The following RAB11FIP1 variants were observed in gnomAD, a reference collection of about 807,000 sequenced individuals.
The protein encoded by RAB11FIP1 is rab11 family-interacting protein 1.
A neutral mutation model predicts 83.1 loss-of-function variants in RAB11FIP1; 49 were observed. That is an observed-to-expected ratio of 0.59 (90% CI 0.47 to 0.75). RAB11FIP1 has a LOEUF of 0.75. Among genes scored for constraint, RAB11FIP1 ranks in the 30% least tolerant of loss-of-function variants. The pLI is 0.00. For synonymous variants in RAB11FIP1, 670 were observed against 656.0 expected (o/e 1.02, Z -0.33); for missense variants, 1,536 against 1,598.7 (o/e 0.96, Z 0.67).
intron 1 of RAB11FIP1, among the ~76,000 whole-genome samples, chr8:37,882,662 G>C (rs908715482): frequency 2.0e-5 from 3 of 152,152 alleles, no homozygotes; most frequent in African/African-American, 7.2e-5. Flanking sequence ...TTGCACTGCA[G>C]ACTTGCCCTG....
At chr8:37,882,868 T>C (rs1008042466) in intron 1 of RAB11FIP1, among the ~76,000 whole-genome samples, 1 of 152,198 alleles carries the variant, frequency 6.6e-6, no homozygotes, top group Admixed American at 6.5e-5. Context: ...GGACCAATTA[T>C]TACCTGATTC....
At position 37,872,776 on chromosome 8, in the gene RAB11FIP1, G is replaced by A. The variant is rs373214603; in HGVS notation, c.2026C>T (p.Arg676Cys). ...GTEDSLMGRT[R>C]ETGTEKNTSS... ...GTGTTCTTCTCTGTGCCTGTCTCAC[G>A]GGTCCTGCCCATCAGAGAATCTTCT... is the stretch of plus-strand genomic sequence containing the variant. Residue 676 changes from arginine to cysteine, a missense_variant, in exon 4 of 6, where the codon CGT (arginine) becomes TGT (cysteine). Transcript: ENST00000330843. The A allele has an allele frequency of 6.4e-5, 103 of 1,614,094 alleles. No individual in the cohort carries two copies. In the Admixed American group the frequency reaches 1.3e-3, roughly 21 times the overall value.
At chr8:37,885,734 C>G (rs1806820851) in intron 1 of RAB11FIP1, among the ~76,000 whole-genome samples, 1 of 152,194 alleles carries the variant, frequency 6.6e-6, no homozygotes, top group African/African-American at 2.4e-5. Flanking sequence ...CCTGAGTAGC[C>G]CACTGGGAAG....
chr8:37,880,854 C>A (rs1806721187), intron 1 of RAB11FIP1, among the ~76,000 whole-genome samples: 1 of 152,144 alleles, frequency 6.6e-6, no homozygotes, highest in South Asian at 2.1e-4. Context: ...CTATAGTGAG[C>A]TGTCCACCAG....
intron 1 of RAB11FIP1, among the ~76,000 whole-genome samples, chr8:37,892,814 T>TCTTA (rs1424976469): frequency 6.6e-6 from 1 of 152,108 alleles, no homozygotes; most frequent in Admixed American, 6.6e-5. Flanking sequence ...TTCAGCCTCA[T>TCTTA]CTTACACAAG....
chr8:37,895,507 T>A lies in RAB11FIP1; in HGVS notation c.371+3564A>T, dbSNP rs1807067613. Among the ~76,000 whole-genome samples, 3 of 151,040 alleles carry A rather than the reference T, an allele frequency of 2.0e-5. No individual in the cohort carries two copies. The Admixed American group carries it at 2.0e-4, about 10-fold the overall frequency. ...ATATTGGTCACCCGATTCTACCTGTTAGATTCATGTCTGTTTTGCAGTCAC... is the reference window on the plus strand; with the variant it reads ...ATATTGGTCACCCGATTCTACCTGTAAGATTCATGTCTGTTTTGCAGTCAC... On this transcript the variant is annotated intron_variant, in intron 1 of 5. Transcript: ENST00000330843.
chr8:37,871,660 C>T lies in RAB11FIP1; in HGVS notation c.3142G>A (p.Glu1048Lys). The T allele has an allele frequency of 6.2e-7, 1 of 1,613,218 alleles. No homozygotes were observed. ...SVTAPSEQTT[E>K]FGIHKPHLGK... Reference sequence around the variant, plus strand: ...AGATGTGGTTTGTGAATTCCGAACTCTGTGGTCTGCTCTGAAGGAGCTGTC... The same window carrying T: ...AGATGTGGTTTGTGAATTCCGAACTTTGTGGTCTGCTCTGAAGGAGCTGTC... Residue 1048 changes from glutamate to lysine, a missense_variant, in exon 4 of 6, where the codon GAG becomes AAG. Physicochemically the swap from Glu to Lys is moderately conservative, Grantham distance 56 (BLOSUM62 1). Transcript: ENST00000330843.
rs1806268166 is a variant in RAB11FIP1 at position 37,862,921 on chromosome 8, C to A, written c.3826G>T (p.Val1276Phe). The change falls in exon 6 of 6, where the codon GTT becomes TTT. Residue 1276 changes from valine (V) to phenylalanine (F), a missense_variant. By Grantham distance (50) the Val-to-Phe change is conservative. Coordinates refer to ENST00000330843, the MANE Select transcript of RAB11FIP1 (RefSeq NM_001002814.3). Reference protein sequence around the residue: ...TPNILRIPTQVGKKAGKM With the variant: ...TPNILRIPTQFGKKAGKM Reference sequence around the variant, plus strand: ...TACATCTTTCCTGCTTTTTTGCCAACCTGAGTCGGGATGCGGAGGATATTG... The same window carrying A: ...TACATCTTTCCTGCTTTTTTGCCAAACTGAGTCGGGATGCGGAGGATATTG... 2 of 1,609,032 alleles carry A rather than the reference C, an allele frequency of 1.2e-6. No homozygotes were observed. Among genetic ancestry groups the A allele is most frequent in the Non-Finnish European group, 1.7e-6 (2 of 1,177,444 alleles).
chr8:37,888,108 C>T (rs1806868464), intron 1 of RAB11FIP1, among the ~76,000 whole-genome samples: 1 of 152,164 alleles, frequency 6.6e-6, no homozygotes, highest in African/African-American at 2.4e-5. Flanking sequence ...AATTATGTAT[C>T]TGTTTATCTA....
At chr8:37,879,309 C>A (rs551712289) in intron 1 of RAB11FIP1, among the ~76,000 whole-genome samples, 1 of 151,548 alleles carries the variant, frequency 6.6e-6, no homozygotes, top group Non-Finnish European at 1.5e-5. Context: ...GAGCCAGACT[C>A]CATCTCAAAA....
At position 37,872,882 on chromosome 8, in the gene RAB11FIP1, ACT is replaced by A; in HGVS notation, c.1918_1919del (p.Ser640PhefsTer25). 6.2e-7 allele frequency: 1 copy of A among 1,614,026 alleles called. No homozygotes were observed. Among genetic ancestry groups the A allele is most frequent in the South Asian group, 1.1e-5 (1 of 91,064 alleles). ...LLPKAELQTE[S>X]LTPVPNSGSS... The stretch of plus-strand genomic sequence containing the variant: ...AACCAGAATTTGGAACCGGTGTTAA[ACT>A]CTCAGTTTGCAACTCTGCCTTAGGG... On this transcript the variant is annotated frameshift_variant, in exon 4 of 6. Coordinates refer to ENST00000330843, the MANE Select transcript of RAB11FIP1 (RefSeq NM_001002814.3). LOFTEE classifies it high-confidence loss of function.
At position 37,862,704 on chromosome 8, in the gene RAB11FIP1, A is replaced by C; in HGVS notation, c.*191T>G. ...GGCATTTAAAACTAAAGCCTTGGGA[A>C]TGTACAGTAAAAGATTAATTGTAAT... On this transcript the variant is annotated 3_prime_UTR_variant, in exon 6 of 6. Transcript: ENST00000330843. The C allele has an allele frequency of 1.8e-6, 1 of 558,202 alleles. No homozygotes were observed. Among genetic ancestry groups the C allele is most frequent in the Non-Finnish European group, 3.2e-6 (1 of 311,396 alleles). 34.6% of individuals were successfully genotyped at this position (558,202 alleles called of 1,614,324 possible).
intron 1 of RAB11FIP1, among the ~76,000 whole-genome samples, chr8:37,886,605 A>G (rs1241367298): frequency 1.3e-5 from 2 of 152,160 alleles, no homozygotes; most frequent in East Asian, 1.9e-4. Context: ...CAAAATCCCA[A>G]TCCTGACTTA....
chr8:37,871,744 T>C lies in RAB11FIP1; in HGVS notation c.3058A>G (p.Arg1020Gly), dbSNP rs573314499. 6.2e-7 allele frequency: 1 copy of C among 1,613,606 alleles called. No individual in the cohort carries two copies. Among genetic ancestry groups the C allele is most frequent in the Admixed American group, 1.7e-5 (1 of 59,996 alleles). Residue 1020 changes from arginine to glycine, a missense_variant, in exon 4 of 6, where the codon AGG (arginine) becomes GGG (glycine). Coordinates refer to ENST00000330843, the MANE Select transcript of RAB11FIP1 (RefSeq NM_001002814.3). ...RGKGPSGEAD[R>G]LVLGEGLCDF... Reference sequence around the variant, plus strand: ...CACAGGCCCTCCCCCAGTACCAACCTATCTGCCTCGCCACTGGGCCCCTTT... The same window carrying C: ...CACAGGCCCTCCCCCAGTACCAACCCATCTGCCTCGCCACTGGGCCCCTTT...
At chr8:37,883,237 C>T (rs145433112) in intron 1 of RAB11FIP1, among the ~76,000 whole-genome samples, 6 of 150,544 alleles carry the variant, frequency 4.0e-5, no homozygotes, top group East Asian at 2.0e-4. Context: ...CTCACTCTAT[C>T]GCCCAGGCTG....
At chr8:37,874,422 T>G in intron 3 of RAB11FIP1, 93 bp downstream of exon 3, 1 of 983,582 alleles carries the variant, frequency 1.0e-6, no homozygotes, top group Non-Finnish European at 1.6e-6. Flanking sequence ...GGTACTATGA[T>G]ATCATGGGAC....
intron 1 of RAB11FIP1, among the ~76,000 whole-genome samples, chr8:37,880,293 C>CA (rs796452247): frequency 1.3e-5 from 2 of 149,730 alleles, no homozygotes; most frequent in African/African-American, 2.5e-5. Context: ...TCCCATTCTC[C>CA]AAAAAAAAAA....
chr8:37,867,712 G>GA lies in RAB11FIP1; in HGVS notation c.3633+2707dup, dbSNP rs542225031. Among the ~76,000 whole-genome samples, 27 of 103,082 alleles carry GA rather than the reference G, an allele frequency of 2.6e-4. No individual in the cohort carries two copies. In the East Asian group the frequency reaches 5.9e-3, roughly 22 times the overall value. The allele number at this position is 103,082 out of a possible 152,430, so 67.6% of individuals were successfully genotyped here. Reference sequence around the variant, plus strand: ...ACCAGAGCGAAAATCCATCAAAAAAGAAAAAAAAAAGGAAGGAAGGAAGGG... The same window carrying GA: ...ACCAGAGCGAAAATCCATCAAAAAAGAAAAAAAAAAAGGAAGGAAGGAAGGG... On this transcript the variant is annotated intron_variant, in intron 5 of 5. Coordinates refer to ENST00000330843, the MANE Select transcript of RAB11FIP1 (RefSeq NM_001002814.3).
Position 37,873,334 on chromosome 8 carries a change from G to A in RAB11FIP1, c.1623-155C>T, listed in dbSNP as rs536032928. On this transcript the variant is annotated intron_variant, in intron 3 of 5. Coordinates refer to ENST00000330843, the MANE Select transcript of RAB11FIP1 (RefSeq NM_001002814.3). ...AAAAAAGGAACGCTAGCCGGGCGCG[G>A]TGGCTCACGCCTGTAATCCCAGCAC... is the stretch of plus-strand genomic sequence containing the variant. The A allele has an allele frequency of 2.7e-4, 212 of 794,680 alleles. No individual in the cohort carries two copies. In the South Asian group the frequency reaches 4.0e-3, roughly 15 times the overall value. The allele number at this position is 794,680 out of a possible 1,614,324, so 49.2% of individuals were successfully genotyped here. A position where few individuals can be genotyped will look rare whatever the true frequency, so the allele number is the denominator to read the frequency against.
Sources: gnomAD v4.1 joint callset for allele counts (sites outside exome capture counted in the v4.1 genomes callset) on GRCh38, gnomAD v4.1.1 for gene constraint, MANE v1.5 for transcripts, NCBI Gene and HGNC (gene_info 2026-07-23, HGNC 2026-07-21) for gene names.